The following SIK2 variants were observed in gnomAD, a reference collection of about 807,000 sequenced individuals.
SIK2 encodes the protein serine/threonine-protein kinase SIK2.
Under a neutral mutation model 103.2 loss-of-function variants are expected in SIK2, and 29 were observed. The observed-to-expected ratio is 0.28, with a 90% CI of 0.21 to 0.38. The LOEUF (loss-of-function observed/expected upper bound fraction) is 0.38, where lower values mean the gene tolerates loss of function less well. Ranked by LOEUF, SIK2 falls within the 10% of genes least tolerant of loss-of-function variation. The pLI is 1.00. For synonymous variants in SIK2, 412 were observed against 446.1 expected (o/e 0.92, Z 0.96); for missense variants, 879 against 1,171.0 (o/e 0.75, Z 3.64).
At chr11:111,619,565 G>A (rs7932817) in intron 2 of SIK2, among the ~76,000 whole-genome samples, 1 of 151,858 alleles carries the variant, frequency 6.6e-6, no homozygotes, top group Non-Finnish European at 1.5e-5. Context: ...GGCTGGTGTC[G>A]AACTCCTGAC....
At position 111,705,199 on chromosome 11, in the gene SIK2, A is replaced by G; in HGVS notation, c.1101+60A>G. Reference sequence around the variant, plus strand: ...ATGTGCCTGTTCACATGTTTGATACATTTTTCATCTTATACACAGGGTTAG... The same window carrying G: ...ATGTGCCTGTTCACATGTTTGATACGTTTTTCATCTTATACACAGGGTTAG... On this transcript the variant is annotated intron_variant, in intron 8 of 14. Coordinates refer to ENST00000304987, the MANE Select transcript of SIK2 (RefSeq NM_015191.3). The surrounding 1 kb of genome is among the most constrained non-coding windows in gnomAD (Gnocchi z 4.3). 1.4e-6 allele frequency: 2 copies of G among 1,447,658 alleles called. No individual in the cohort carries two copies. Among genetic ancestry groups the G allele is most frequent in the Non-Finnish European group, 1.8e-6 (2 of 1,103,088 alleles). 89.7% of individuals were successfully genotyped at this position (1,447,658 alleles called of 1,614,324 possible). A position where few individuals can be genotyped will look rare whatever the true frequency, so the allele number is the denominator to read the frequency against.
intron 3 of SIK2, among the ~76,000 whole-genome samples, chr11:111,638,249 C>T (rs1942136161): frequency 6.6e-6 from 1 of 152,196 alleles, no homozygotes; most frequent in South Asian, 2.1e-4. Flanking sequence ...TTTTCAACTG[C>T]ACCTAGGGTT....
chr11:111,610,484 T>C (rs1190472627), intron 1 of SIK2, among the ~76,000 whole-genome samples: 2 of 145,544 alleles, frequency 1.4e-5, no homozygotes, highest in Admixed American at 6.9e-5. Flanking sequence ...CAAGACTCTG[T>C]CTAAAAAAAA....
intron 3 of SIK2, among the ~76,000 whole-genome samples, chr11:111,638,490 T>C (rs529308779): frequency 2.6e-5 from 4 of 152,334 alleles, no homozygotes; most frequent in Middle Eastern, 3.4e-3. Context: ...GGCATTCTAC[T>C]ATGTAAATTA....
chr11:111,650,440 C>G (rs554705381), intron 3 of SIK2, among the ~76,000 whole-genome samples: 10 of 152,158 alleles, frequency 6.6e-5, no homozygotes, highest in Admixed American at 4.6e-4. Context: ...CTAAAAAGCA[C>G]AAATGCTTCT....
At chr11:111,706,940 A>G (rs1423606665) in intron 8 of SIK2, among the ~76,000 whole-genome samples, 1 of 150,148 alleles carries the variant, frequency 6.7e-6, no homozygotes, top group African/African-American at 2.5e-5. Flanking sequence ...AGCCTGGGTG[A>G]CAGAGCAGGA....
At position 111,693,655 on chromosome 11, in the gene SIK2, C is replaced by T. The variant is rs545707140; in HGVS notation, c.478+5493C>T. On this transcript the variant is annotated intron_variant, in intron 4 of 14. Coordinates refer to ENST00000304987, the MANE Select transcript of SIK2 (RefSeq NM_015191.3). ...GATAAAAATCTATGAATTAATCACA[C>T]GTCAAACAGGGCTTCATGTAGAGTA... Among the ~76,000 whole-genome samples, 5 of 152,300 alleles carry T rather than the reference C, an allele frequency of 3.3e-5. No homozygotes were observed. The South Asian group carries it at 6.2e-4, about 19-fold the overall frequency.
At chr11:111,671,811 C>A in intron 3 of SIK2, 1 of 405,410 alleles carries the variant, frequency 2.5e-6, no homozygotes, top group South Asian at 2.0e-5. Flanking sequence ...AAGACAAATT[C>A]GTTTTCCTTC....
chr11:111,651,860 G>A (rs1216743180), intron 3 of SIK2, among the ~76,000 whole-genome samples: 1 of 152,134 alleles, frequency 6.6e-6, no homozygotes, highest in African/African-American at 2.4e-5. Flanking sequence ...TTCCAGCCAG[G>A]AGGACTTTGC....
intron 3 of SIK2, among the ~76,000 whole-genome samples, chr11:111,622,700 T>C (rs2074650900): frequency 1.0e-5 from 1 of 98,928 alleles, no homozygotes; most frequent in African/African-American, 2.6e-5. Context: ...ATGGACTTTT[T>C]TTCTTTCAGT....
intron 3 of SIK2, among the ~76,000 whole-genome samples, chr11:111,638,596 C>A (rs1342002150): frequency 6.6e-6 from 1 of 151,918 alleles, no homozygotes; most frequent in African/African-American, 2.4e-5. Context: ...TTTCCAAGTT[C>A]TTTAGTTTGT....
chr11:111,720,692 A>G lies in SIK2; in HGVS notation c.1710A>G (p.Arg570=). The change falls in exon 11 of 15, where the codon CGA becomes CGG. Residue 570 remains arginine, a synonymous_variant. Coordinates refer to ENST00000304987, the MANE Select transcript of SIK2 (RefSeq NM_015191.3). ...TGCAGGCTCTGAGCTCCCAGAAACG[A>G]GAGGTCCACAACAGGTCTCCAGTGA... is the stretch of plus-strand genomic sequence containing the variant. ...PAMQALSSQK[R]EVHNRSPVSF... The G allele has an allele frequency of 3.1e-6, 5 of 1,613,846 alleles. No homozygotes were observed. Among genetic ancestry groups the G allele is most frequent in the Non-Finnish European group, 4.2e-6 (5 of 1,179,862 alleles).
At chr11:111,683,929 G>C (rs1468392647) in intron 3 of SIK2, among the ~76,000 whole-genome samples, 1 of 152,174 alleles carries the variant, frequency 6.6e-6, no homozygotes, top group Non-Finnish European at 1.5e-5. Flanking sequence ...TTTCTCAGCA[G>C]ATGTTACAGT....
intron 4 of SIK2, among the ~76,000 whole-genome samples, chr11:111,699,282 T>C (rs1943154854): frequency 1.3e-5 from 2 of 152,174 alleles, no homozygotes; most frequent in South Asian, 4.1e-4. Context: ...ATGTACCCTC[T>C]TTTCTCTCCT....
intron 3 of SIK2, among the ~76,000 whole-genome samples, chr11:111,669,127 A>G (rs965131635): frequency 1.1e-4 from 16 of 152,370 alleles, no homozygotes; most frequent in African/African-American, 2.6e-4. Flanking sequence ...CTCCTTTACT[A>G]TGACTCACAT....
intron 3 of SIK2, among the ~76,000 whole-genome samples, chr11:111,626,094 T>C (rs1241349411): frequency 2.0e-5 from 3 of 152,184 alleles, no homozygotes; most frequent in African/African-American, 4.8e-5. Flanking sequence ...GGGTAAATGG[T>C]CAATTGGAGT....
chr11:111,691,912 A>G (rs927360254), intron 4 of SIK2, among the ~76,000 whole-genome samples: 2 of 152,216 alleles, frequency 1.3e-5, no homozygotes, highest in Non-Finnish European at 2.9e-5. Flanking sequence ...TTAAGTTAAT[A>G]TAACACAAAA....
At position 111,723,862 on chromosome 11, in the gene SIK2, C is replaced by T. The variant is rs1267345891; in HGVS notation, c.2514C>T (p.Ala838=). 3.1e-6 allele frequency: 5 copies of T among 1,613,834 alleles called. No individual in the cohort carries two copies. The South Asian group carries it at 5.5e-5, about 18-fold the overall frequency. The part of the protein sequence containing the change: ...PPPPPRQPGA[A]PAPLQFSYQT... ...CACCACCACGACAGCCAGGAGCTGC[C>T]CCAGCCCCCTTACAGTTCTCCTATC... Residue 838 remains alanine (A), a synonymous_variant, in exon 15 of 15, where the codon GCC becomes GCT. Coordinates refer to ENST00000304987, the MANE Select transcript of SIK2 (RefSeq NM_015191.3).
At chr11:111,627,577 G>A (rs1941977476) in intron 3 of SIK2, among the ~76,000 whole-genome samples, 1 of 152,138 alleles carries the variant, frequency 6.6e-6, no homozygotes, top group Non-Finnish European at 1.5e-5. Flanking sequence ...GGGGACTACT[G>A]TATAAGATTT....
Sources: allele counts gnomAD v4.1 joint callset (sites outside exome capture counted in the v4.1 genomes callset), GRCh38; gene constraint gnomAD v4.1.1; non-coding constraint Gnocchi (gnomAD v3.1); transcripts MANE v1.5; gene names NCBI Gene and HGNC (gene_info 2026-07-23, HGNC 2026-07-21).